ASB15: variants seen among roughly 807,000 people sequenced by gnomAD.
The protein encoded by ASB15 is ankyrin repeat and SOCS box containing 15.
A neutral mutation model predicts 58.0 loss-of-function variants in ASB15; 54 were observed. The observed-to-expected ratio is 0.93, with a 90% confidence interval of 0.75 to 1.17. The LOEUF is 1.17. Among genes scored for constraint, ASB15 ranks in the 50% most tolerant of loss-of-function variants. ASB15 has a pLI of 0.00. For missense variants in ASB15, 680 were observed against 707.4 expected (o/e 0.96, Z 0.44); for synonymous variants, 249 against 262.4 (o/e 0.95, Z 0.50).
intron 8 of ASB15, among the ~76,000 whole-genome samples, chr7:123,625,966 C>G (rs944198287): frequency 6.7e-6 from 1 of 148,220 alleles, no homozygotes; most frequent in Non-Finnish European, 1.5e-5. Context: ...CGGAAGTAAA[C>G]GGCTTGCCCC....
intron 1 of ASB15, among the ~76,000 whole-genome samples, chr7:123,596,651 A>AG (rs1483406046): frequency 6.6e-6 from 1 of 152,094 alleles, no homozygotes; most frequent in African/African-American, 2.4e-5. Flanking sequence ...ATAAAGAAAG[A>AG]GAAAAAGAAA....
chr7:123,591,197 G>A (rs2116359114), intron 1 of ASB15, among the ~76,000 whole-genome samples: 1 of 151,906 alleles, frequency 6.6e-6, no homozygotes, highest in Admixed American at 6.5e-5. Context: ...AGGAGATTTT[G>A]GGCTGAGACA....
chr7:123,619,813 G>A lies in ASB15; in HGVS notation c.451+2076G>A, dbSNP rs891183970. ...GCTGGGATTACAGGCGTGAGCCACCGCTCCTGGCCCCTTCTTGCCTGCTCT... is the reference window on the plus strand; with the variant it reads ...GCTGGGATTACAGGCGTGAGCCACCACTCCTGGCCCCTTCTTGCCTGCTCT... On this transcript the variant is annotated intron_variant, in intron 7 of 11. Transcript: ENST00000451215. Among the ~76,000 whole-genome samples the A allele has an allele frequency of 7.9e-5, 12 of 152,098 alleles. No individual in the cohort carries two copies. In the South Asian group the frequency reaches 1.2e-3, roughly 16 times the overall value.
At chr7:123,593,672 T>C (rs183108338) in intron 1 of ASB15, among the ~76,000 whole-genome samples, 5 of 152,352 alleles carry the variant, frequency 3.3e-5, no homozygotes, top group Non-Finnish European at 7.3e-5. Context: ...GGCTTCTCTT[T>C]GTGGGTAACC....
chr7:123,571,721 T>C (rs780370601), intron 1 of ASB15, among the ~76,000 whole-genome samples: 10 of 152,170 alleles, frequency 6.6e-5, no homozygotes, highest in South Asian at 6.2e-4. Flanking sequence ...ACACCAGCAA[T>C]GTTTTAATTT....
At chr7:123,626,702 A>C (rs2116631283) in intron 8 of ASB15, among the ~76,000 whole-genome samples, 1 of 152,220 alleles carries the variant, frequency 6.6e-6, no homozygotes, top group East Asian at 1.9e-4. Context: ...ACTAACCAGA[A>C]AGGAACACAA....
intron 11 of ASB15, among the ~76,000 whole-genome samples, chr7:123,630,481 G>A (rs910609040): frequency 1.4e-4 from 22 of 152,172 alleles, no homozygotes; most frequent in Non-Finnish European, 2.8e-4. Context: ...TGCCTAGTAA[G>A]TAGTACATTT....
Position 123,616,799 on chromosome 7 carries a change from A to G in ASB15, c.292+304A>G, listed in dbSNP as rs537851969. 5.5e-4 allele frequency among the ~76,000 whole-genome samples: 83 copies of G among 149,554 alleles called. 1 individual carries two copies. The highest frequency in any genetic ancestry group is 2.4e-4 in the Non-Finnish European group (16 of 67,434). ...ATATCATGAATTAATTGAGTCATAT[A>G]TAACACTTTTCTTTTGGAAATCAAT... is the stretch of plus-strand genomic sequence containing the variant. On this transcript the variant is annotated intron_variant, in intron 6 of 11. Transcript: ENST00000451215.
At chr7:123,623,991 GAA>G (rs1801591041) in intron 7 of ASB15, among the ~76,000 whole-genome samples, 5 of 133,746 alleles carry the variant, frequency 3.7e-5, no homozygotes, top group Admixed American at 1.5e-4. Context: ...AAGAAAGAAA[GAA>G]AGAGAAAGGA....
chr7:123,587,586 T>C (rs185373025), intron 1 of ASB15, among the ~76,000 whole-genome samples: 4 of 151,806 alleles, frequency 2.6e-5, no homozygotes, highest in Non-Finnish European at 4.4e-5. Context: ...CTATATTGAA[T>C]AGAAGTGACG....
chr7:123,572,421 G>A (rs115377887), intron 1 of ASB15, among the ~76,000 whole-genome samples: 2,295 of 151,914 alleles, frequency 0.015, 51 homozygotes, highest in African/African-American at 0.052. Flanking sequence ...TTACAGGCAC[G>A]AGCCACCACG....
Position 123,638,632 on chromosome 7 carries a change from C to G in ASB15, c.*1651C>G, listed in dbSNP as rs1375834359. 1 of 152,110 alleles carries G rather than the reference C, an allele frequency of 6.6e-6. No individual in the cohort carries two copies. Among genetic ancestry groups the G allele is most frequent in the East Asian group, 1.9e-4 (1 of 5,182 alleles). 9.4% of individuals were successfully genotyped at this position (152,110 alleles called of 1,614,324 possible). On this transcript the variant is annotated 3_prime_UTR_variant, in exon 12 of 12. Transcript: ENST00000451215. ...TGTGGGCCATCAAATATCTGAGGAC[C>G]TTTGTATGGGGAACCTCTGCTGTAG...
intron 1 of ASB15, among the ~76,000 whole-genome samples, chr7:123,570,925 C>T (rs908770954): frequency 1.3e-4 from 20 of 152,258 alleles, no homozygotes; most frequent in East Asian, 3.9e-4. Context: ...ACCAGCTGTA[C>T]GGCCTGGGTG....
intron 3 of ASB15, among the ~76,000 whole-genome samples, chr7:123,609,898 C>T (rs1800349032): frequency 6.6e-6 from 1 of 152,164 alleles, no homozygotes; most frequent in African/African-American, 2.4e-5. Context: ...ACATTACCAA[C>T]CTCCTCACCA....
At chr7:123,575,863 C>T (rs1799050118) in intron 1 of ASB15, among the ~76,000 whole-genome samples, 1 of 147,978 alleles carries the variant, frequency 6.8e-6, no homozygotes, top group African/African-American at 2.5e-5. Context: ...ACTATGTCTC[C>T]ATATCAAATT....
rs1802499459 is a variant in ASB15, at chr7:123,637,878, T to TAAAAAAAACAAAAAAAAA, written c.*905_*906insCAAAAAAAAAAAAAAAAA. 1 of 52,468 alleles carries TAAAAAAAACAAAAAAAAA rather than the reference T, an allele frequency of 1.9e-5. No individual in the cohort carries two copies. The allele number at this position is 52,468 out of a possible 1,614,324, so 3.3% of individuals were successfully genotyped here. A position where few individuals can be genotyped will look rare whatever the true frequency, so the allele number is the denominator to read the frequency against. ...AAATTCAACATGTCCCCAGATGAAC[T>TAAAAAAAACAAAAAAAAA]AAAAAAAAAAAAAAAAAAAAAACCT... is the stretch of plus-strand genomic sequence containing the variant. On this transcript the variant is annotated 3_prime_UTR_variant, in exon 12 of 12. Coordinates refer to ENST00000451215, the MANE Select transcript of ASB15 (RefSeq NM_001290258.2).
intron 1 of ASB15, among the ~76,000 whole-genome samples, chr7:123,570,866 A>G (rs1798891374): frequency 6.6e-6 from 1 of 152,164 alleles, no homozygotes; most frequent in Admixed American, 6.6e-5. Context: ...TCTCTTCAAA[A>G]TCACTAAAAC....
chr7:123,613,004 A>AC (rs1438844102), intron 3 of ASB15, among the ~76,000 whole-genome samples: 1 of 151,914 alleles, frequency 6.6e-6, no homozygotes, highest in Non-Finnish European at 1.5e-5. Context: ...CTGAGATACC[A>AC]CAGTGTCAGG....
chr7:123,601,335 C>A (rs1748799883), upstream of ASB15, among the ~76,000 whole-genome samples: 1 of 152,132 alleles, frequency 6.6e-6, no homozygotes, highest in South Asian at 2.1e-4. Context: ...GATTAGATGT[C>A]ACTGACTGCC....
Sources: gnomAD v4.1 joint callset for allele counts (sites outside exome capture counted in the v4.1 genomes callset) on GRCh38, gnomAD v4.1.1 for gene constraint, MANE v1.5 for transcripts, NCBI Gene and HGNC (gene_info 2026-07-23, HGNC 2026-07-21) for gene names.